Variants in ARID1B observed in about 807,000 individuals in gnomAD.
ARID1B encodes AT-rich interactive domain-containing protein 1B.
Under a neutral mutation model 212.3 loss-of-function variants are expected in ARID1B, and 30 were observed. The observed-to-expected ratio is 0.14, with a 90% CI of 0.11 to 0.19. The LOEUF (loss-of-function observed/expected upper bound fraction) is 0.19. ARID1B is among the 10% of genes least tolerant of loss of function. The pLI is 1.00. For synonymous variants in ARID1B, 1,402 were observed against 1,301.7 expected (o/e 1.08, Z -1.66); for missense variants, 2,891 against 3,204.0 (o/e 0.90, Z 2.36).
chr6:157,106,011 AGGAAATTT>A (rs1786452995), intron 5 of ARID1B, among the ~76,000 whole-genome samples: 1 of 152,190 alleles, frequency 6.6e-6, no homozygotes, highest in Non-Finnish European at 1.5e-5. Flanking sequence ...AGTTTCTAGA[AGGAAATTT>A]GGAATTGTGT....
intron 1 of ARID1B, among the ~76,000 whole-genome samples, chr6:156,789,951 T>C (rs766016249): frequency 9.2e-5 from 14 of 152,352 alleles, no homozygotes; most frequent in Non-Finnish European, 1.9e-4. Context: ...GAATAAGGAA[T>C]TAAAATGAGT....
intron 4 of ARID1B, among the ~76,000 whole-genome samples, chr6:157,069,440 A>G (rs139747961): frequency 3.9e-4 from 60 of 152,314 alleles, no homozygotes; most frequent in Non-Finnish European, 6.2e-4. Flanking sequence ...ACGTATTGCA[A>G]ATTTAACACT....
intron 4 of ARID1B, chr6:156,939,718 T>A (rs1054818073): frequency 6.6e-6 from 1 of 152,198 alleles, no homozygotes; most frequent in East Asian, 1.9e-4. Context: ...TGATTCTATT[T>A]TACCAAGTGA....
intron 7 of ARID1B, among the ~76,000 whole-genome samples, chr6:157,145,776 G>C (rs1789682865): frequency 6.6e-6 from 1 of 152,132 alleles, no homozygotes; most frequent in Non-Finnish European, 1.5e-5. Context: ...CCAGTTGTGA[G>C]CCACGTGACC....
chr6:157,039,318 A>ATTTTTTTTTTTTTTTTTTTTT (rs1215591720), intron 4 of ARID1B, among the ~76,000 whole-genome samples: 33 of 112,792 alleles, frequency 2.9e-4, no homozygotes, highest in Non-Finnish European at 4.3e-4. Context: ...GAAATTTGAC[A>ATTTTTTTTTTTTTTTTTTTTT]TTTCTTTTTT....
chr6:156,981,868 A>G (rs77850714), intron 4 of ARID1B, among the ~76,000 whole-genome samples: 6 of 152,198 alleles, frequency 3.9e-5, no homozygotes, highest in Non-Finnish European at 8.8e-5. Context: ...ACAACTGGGC[A>G]GTGCAGTCTT....
rs1794667770 is a variant in ARID1B, at chr6:157,209,389, A to AT, written c.*1498_*1499insT. 4.3e-6 allele frequency: 1 copy of AT among 232,464 alleles called. No homozygotes were observed. Among genetic ancestry groups the AT allele is most frequent in the Non-Finnish European group, 8.5e-6 (1 of 117,336 alleles). The allele number at this position is 232,464 out of a possible 1,614,324, so 14.4% of individuals were successfully genotyped here. On this transcript the variant is annotated 3_prime_UTR_variant, in exon 20 of 20. Coordinates refer to ENST00000636930, the MANE Select transcript of ARID1B (RefSeq NM_001374828.1). Reference sequence around the variant, plus strand: ...TTATAAAACCCTACATTTGGAAGAGACCTTTAGGGGTTACCTACTTTAGAG... The same window carrying AT: ...TTATAAAACCCTACATTTGGAAGAGATCCTTTAGGGGTTACCTACTTTAGAG...
chr6:157,074,461 A>G (rs536547845), intron 4 of ARID1B, among the ~76,000 whole-genome samples: 17 of 152,170 alleles, frequency 1.1e-4, no homozygotes, highest in Admixed American at 5.2e-4. Context: ...CCGAGCTCAG[A>G]TGATCCGCCC....
intron 4 of ARID1B, chr6:157,036,629 A>C: frequency 2.9e-6 from 1 of 340,814 alleles, no homozygotes; most frequent in Non-Finnish European, 5.8e-6. Context: ...CCGCCGTCTT[A>C]TAGAACTGAA....
At chr6:157,162,833 A>C (rs1383078170) in intron 8 of ARID1B, among the ~76,000 whole-genome samples, 1 of 152,096 alleles carries the variant, frequency 6.6e-6, no homozygotes, top group Non-Finnish European at 1.5e-5. Flanking sequence ...GCATCTACCG[A>C]ATTATTGTAA....
chr6:156,892,043 C>CTTTTT (rs1047406340), intron 2 of ARID1B, among the ~76,000 whole-genome samples: 4 of 115,164 alleles, frequency 3.5e-5, no homozygotes, highest in African/African-American at 6.3e-5. Flanking sequence ...AGCGAATTTT[C>CTTTTT]TTTTTTTTTT....
intron 2 of ARID1B, among the ~76,000 whole-genome samples, chr6:156,872,883 T>C (rs957925438): frequency 6.6e-6 from 1 of 152,174 alleles, no homozygotes; most frequent in African/African-American, 2.4e-5. Flanking sequence ...TCCTCCATGC[T>C]GTTTTTCCCC....
At chr6:156,992,428 G>A (rs1436049795) in intron 4 of ARID1B, among the ~76,000 whole-genome samples, 1 of 152,168 alleles carries the variant, frequency 6.6e-6, no homozygotes, top group African/African-American at 2.4e-5. Context: ...TATTATCACA[G>A]CCTCTGAATT....
chr6:156,803,069 G>T (rs898372693), intron 1 of ARID1B, among the ~76,000 whole-genome samples: 17 of 150,642 alleles, frequency 1.1e-4, no homozygotes, highest in Admixed American at 1.1e-3. Context: ...AACCTATTTT[G>T]TTTTTTTTTA....
At position 157,007,867 on chromosome 6, in the gene ARID1B, G is replaced by A. The variant is rs558402379; in HGVS notation, c.2247+72291G>A. Among the ~76,000 whole-genome samples the A allele has an allele frequency of 4.6e-5, 7 of 152,050 alleles. No homozygotes were observed. The East Asian group carries it at 7.7e-4, about 17-fold the overall frequency. On this transcript the variant is annotated intron_variant, in intron 4 of 19. Transcript: ENST00000636930. Reference sequence around the variant, plus strand: ...ATTTTGTGTATTTTTTAGTAGAGACGGGGTTTCACCGTGTTAGCCAGGATG... The same window carrying A: ...ATTTTGTGTATTTTTTAGTAGAGACAGGGTTTCACCGTGTTAGCCAGGATG...
chr6:156,815,824 T>C (rs927067942), intron 1 of ARID1B, among the ~76,000 whole-genome samples: 1 of 152,224 alleles, frequency 6.6e-6, no homozygotes, highest in Non-Finnish European at 1.5e-5. Context: ...CTTTGCTTGT[T>C]TGTTTACCTA....
Position 157,203,713 on chromosome 6 carries a change from G to C in ARID1B, c.5264-153G>C. The C allele has an allele frequency of 1.0e-6, 1 of 977,732 alleles. No individual in the cohort carries two copies. The highest frequency in any genetic ancestry group is 1.7e-5 in the South Asian group (1 of 60,470). The allele number at this position is 977,732 out of a possible 1,614,324, so 60.6% of individuals were successfully genotyped here. A position where few individuals can be genotyped will look rare whatever the true frequency, so the allele number is the denominator to read the frequency against. ...CAGCTATGGCCTCCATTTAAAATCG[G>C]AAATGATCACGCTTAACTGTCCTTG... On this transcript the variant is annotated intron_variant, in intron 18 of 19. Coordinates refer to ENST00000636930, the MANE Select transcript of ARID1B (RefSeq NM_001374828.1). The surrounding 1 kb of genome is among the most constrained non-coding windows in gnomAD (Gnocchi z 4.4).
intron 6 of ARID1B, among the ~76,000 whole-genome samples, chr6:157,123,242 C>T (rs1236535092): frequency 1.7e-5 from 2 of 115,636 alleles, no homozygotes; most frequent in African/African-American, 3.4e-5. Flanking sequence ...CCCCCCGCCC[C>T]CCCCCCACAC....
chr6:156,870,921 T>C (rs1029749460), intron 2 of ARID1B, among the ~76,000 whole-genome samples: 1 of 152,248 alleles, frequency 6.6e-6, no homozygotes, highest in African/African-American at 2.4e-5. Flanking sequence ...AATGTCCTAA[T>C]AACATCTAAC....
Sources: allele counts gnomAD v4.1 joint callset (sites outside exome capture counted in the v4.1 genomes callset), GRCh38; gene constraint gnomAD v4.1.1; non-coding constraint Gnocchi (gnomAD v3.1); transcripts MANE v1.5; gene names NCBI Gene and HGNC (gene_info 2026-07-23, HGNC 2026-07-21).